Variants in ACTN2 observed in about 807,000 individuals in gnomAD.
The protein encoded by ACTN2 is alpha-actinin-2.
In ACTN2, 39 loss-of-function variants were observed where a neutral mutation model predicts 113.8. That is an observed-to-expected ratio of 0.34 (90% confidence interval 0.27 to 0.45). The LOEUF is 0.45. Ranked by LOEUF, ACTN2 falls within the 20% of genes least tolerant of loss-of-function variation. The pLI, the probability that ACTN2 is intolerant of heterozygous loss-of-function variation, is 1.00. For missense variants in ACTN2, 992 were observed against 1,177.9 expected, an observed-to-expected ratio of 0.84 and a Z score of 2.31; for synonymous variants, 429 against 444.1, an observed-to-expected ratio of 0.97 and a Z score of 0.43.
chr1:236,704,145 C>A (rs894196190), intron 1 of ACTN2, among the ~76,000 whole-genome samples: 3 of 152,176 alleles, frequency 2.0e-5, no homozygotes, highest in Admixed American at 1.3e-4. Context: ...GTTAGTTTCA[C>A]AGGACAAGGG....
At chr1:236,719,681 C>T (rs1359591674) in intron 3 of ACTN2, among the ~76,000 whole-genome samples, 1 of 151,952 alleles carries the variant, frequency 6.6e-6, no homozygotes, top group East Asian at 1.9e-4. Context: ...TCCTTGTAGT[C>T]CCAGCTACTC....
intron 1 of ACTN2, among the ~76,000 whole-genome samples, chr1:236,709,330 G>A (rs552845498): frequency 2.2e-4 from 25 of 113,502 alleles, no homozygotes; most frequent in East Asian, 4.9e-4. Context: ...ATATATACAT[G>A]TATATATATA....
chr1:236,761,719 C>T (rs1659714913), intron 20 of ACTN2, among the ~76,000 whole-genome samples: 1 of 152,016 alleles, frequency 6.6e-6, no homozygotes, highest in African/African-American at 2.4e-5. Flanking sequence ...ATTTTACCCC[C>T]CAAACAATAA....
chr1:236,695,563 T>TCCTCCCCCC (rs1657467692), intron 1 of ACTN2, among the ~76,000 whole-genome samples: 2 of 100,796 alleles, frequency 2.0e-5, no homozygotes, highest in Non-Finnish European at 3.9e-5. Context: ...TGAAATGAGT[T>TCCTCCCCCC]CCCCCCCCCT....
chr1:236,686,810 G>A lies in ACTN2; in HGVS notation c.126+11G>A. 6.7e-7 allele frequency: 1 copy of A among 1,483,812 alleles called. No individual in the cohort carries two copies. The highest frequency in any genetic ancestry group is 9.0e-7 in the Non-Finnish European group (1 of 1,112,506). The allele number at this position is 1,483,812 out of a possible 1,614,324, so 91.9% of individuals were successfully genotyped here. A position where few individuals can be genotyped will look rare whatever the true frequency, so the allele number is the denominator to read the frequency against. ...AAGCAGCAGAGGAAGGTCAGCAGGG[G>A]CCCGCGGGCCGCCCGCGCGTGGTGG... On this transcript the variant is annotated intron_variant, in intron 1 of 20. Transcript: ENST00000366578.
At chr1:236,687,885 G>A (rs1406789735) in intron 1 of ACTN2, among the ~76,000 whole-genome samples, 1 of 152,188 alleles carries the variant, frequency 6.6e-6, no homozygotes, top group Non-Finnish European at 1.5e-5. Flanking sequence ...TTTTATATCA[G>A]GATGTCTCTT....
intron 1 of ACTN2, among the ~76,000 whole-genome samples, chr1:236,717,499 G>A (rs570205027): frequency 1.1e-4 from 16 of 151,542 alleles, no homozygotes; most frequent in Non-Finnish European, 1.8e-4. Flanking sequence ...AGCATATTTT[G>A]CATATTTGTG....
chr1:236,737,374 G>A (rs1403124278), intron 9 of ACTN2, among the ~76,000 whole-genome samples, 160 bp downstream of exon 9: 2 of 141,774 alleles, frequency 1.4e-5, no homozygotes. Flanking sequence ...TGATCTCTGA[G>A]GTTGTTCCTA....
chr1:236,712,241 A>G (rs1453320361), intron 1 of ACTN2, among the ~76,000 whole-genome samples: 1 of 152,184 alleles, frequency 6.6e-6, no homozygotes, highest in African/African-American at 2.4e-5. Flanking sequence ...ATGCGTAGGA[A>G]CAGTCTCCCT....
intron 15 of ACTN2, among the ~76,000 whole-genome samples, chr1:236,753,505 A>G (rs543484579): frequency 6.6e-6 from 1 of 152,288 alleles, no homozygotes; most frequent in African/African-American, 2.4e-5. Context: ...TGTCCACGTC[A>G]TTCATAAACA....
intron 4 of ACTN2, among the ~76,000 whole-genome samples, chr1:236,720,688 A>T (rs953887455): frequency 2.6e-5 from 4 of 151,930 alleles, no homozygotes; most frequent in Admixed American, 6.6e-5. Context: ...CTGTTTCATC[A>T]TTATCATAGA....
rs929710704 is a variant in ACTN2 at position 236,742,942 on chromosome 1, A to T, written c.1154A>T (p.Tyr385Phe). The T allele has an allele frequency of 2.5e-6, 4 of 1,614,086 alleles. No individual in the cohort carries two copies. Among genetic ancestry groups the T allele is most frequent in the Non-Finnish European group, 3.4e-6 (4 of 1,180,054 alleles). The change falls in exon 11 of 21, where the codon TAC (tyrosine) becomes TTC (phenylalanine). Residue 385 changes from tyrosine (Y) to phenylalanine (F), a missense_variant. This residue lies in a region of ACTN2 where 736 missense variants were observed against 815.4 expected (regional missense o/e 0.90). Transcript: ENST00000366578. ...AGGCTGGAGCAGGCTGAGAAGGGTT[A>T]CGAGGAGTGGTTGCTCAATGAGATT... ...WQRLEQAEKGYEEWLLNEIRR... is the reference protein window; with the variant it reads ...WQRLEQAEKGFEEWLLNEIRR...
intron 10 of ACTN2, among the ~76,000 whole-genome samples, chr1:236,741,739 T>C (rs1659074575): frequency 6.6e-6 from 1 of 152,192 alleles, no homozygotes; most frequent in East Asian, 1.9e-4. Flanking sequence ...GCTGACCGGT[T>C]CTTCTTTTTC....
rs4659712 is a variant in ACTN2, at chr1:236,749,539, A to G, written c.1656+275A>G. Among the ~76,000 whole-genome samples the G allele has an allele frequency of 0.51, 77,678 of 151,976 alleles. 20,629 individuals are homozygous for G. The highest frequency in any genetic ancestry group is 0.6 in the Non-Finnish European group (40,951 of 67,964). ...AGGCTGGGCGCAGTGGTTCATGCTT[A>G]TAATTCCAGCACTTGGGGAGGCTGA... On this transcript the variant is annotated intron_variant, in intron 14 of 20. Coordinates refer to ENST00000366578, the MANE Select transcript of ACTN2 (RefSeq NM_001103.4).
chr1:236,710,536 A>G (rs954807800), intron 1 of ACTN2, among the ~76,000 whole-genome samples: 9 of 152,136 alleles, frequency 5.9e-5, no homozygotes, highest in Non-Finnish European at 1.2e-4. Flanking sequence ...AACCCCTTCA[A>G]CTGATATTTC....
chr1:236,693,059 A>G (rs2102859388), intron 1 of ACTN2, among the ~76,000 whole-genome samples: 1 of 152,190 alleles, frequency 6.6e-6, no homozygotes, highest in African/African-American at 2.4e-5. Context: ...AGATTGGGGG[A>G]GACGCTTGCA....
At position 236,749,172 on chromosome 1, in the gene ACTN2, G is replaced by T. The variant is rs1455367143; in HGVS notation, c.1564G>T (p.Ala522Ser). 2.5e-6 allele frequency: 4 copies of T among 1,614,154 alleles called. No individual in the cohort carries two copies. The South Asian group carries it at 4.4e-5, about 18-fold the overall frequency. ...CATTGATCAGCTTCACCTGGAGTTT[G>T]CCAAGAGGGCTGCTCCTTTCAACAA... ...ETIDQLHLEF[A>S]KRAAPFNNWM... Residue 522 changes from alanine to serine, a missense_variant, in exon 14 of 21, where the codon GCC (alanine) becomes TCC (serine). Around this residue, in one of 3 missense-constraint regions of ACTN2, gnomAD observed 736 missense variants for 815.4 expected, o/e 0.90. Transcript: ENST00000366578.
In ACTN2 at chr1:236,755,184, A is replaced by T. The variant is rs1305089793; in HGVS notation, c.2140A>T (p.Asn714Tyr). 2 of 1,614,032 alleles carry T rather than the reference A, an allele frequency of 1.2e-6. No individual in the cohort carries two copies. Among genetic ancestry groups the T allele is most frequent in the Non-Finnish European group, 1.7e-6 (2 of 1,180,044 alleles). ...CCTTGTCTTTGACAACAAGCACACG[A>T]ACTACACGATGGAGGTACGGCAGCC... ...EALVFDNKHT[N>Y]YTMEHIRVGW... Residue 714 changes from asparagine (N) to tyrosine (Y), a missense_variant, in exon 17 of 21, where the codon AAC (asparagine) becomes TAC (tyrosine). Physicochemically the swap from Asn to Tyr is moderately radical, Grantham distance 143. Transcript: ENST00000366578.
At chr1:236,745,423 G>A (rs1659203541) in intron 12 of ACTN2, among the ~76,000 whole-genome samples, 1 of 152,130 alleles carries the variant, frequency 6.6e-6, no homozygotes, top group African/African-American at 2.4e-5. Flanking sequence ...GACAGAGCGG[G>A]ACTCCGTCTC....
Sources: allele counts gnomAD v4.1 joint callset (sites outside exome capture counted in the v4.1 genomes callset), GRCh38; gene constraint gnomAD v4.1.1; regional missense constraint gnomAD v4.1.1; transcripts MANE v1.5; gene names NCBI Gene and HGNC (gene_info 2026-07-23, HGNC 2026-07-21).